TBC1D2B: variants seen among roughly 807,000 people sequenced by gnomAD.
TBC1D2B encodes the protein TBC1 domain family, member 2B.
TBC1D2B carries 64 observed loss-of-function variants against 100.8 expected under a neutral mutation model. That is an observed-to-expected ratio of 0.64 (90% CI 0.52 to 0.78). The LOEUF (loss-of-function observed/expected upper bound fraction) is 0.78, where lower values mean the gene tolerates loss of function less well. TBC1D2B is among the 30% of genes least tolerant of loss of function. TBC1D2B has a pLI of 0.00. For synonymous variants in TBC1D2B, 480 were observed against 479.7 expected, an observed-to-expected ratio of 1.00 and a Z score of -0.01; for missense variants, 1,052 against 1,218.4, an observed-to-expected ratio of 0.86 and a Z score of 2.03.
chr15:78,017,896 G>A lies in TBC1D2B; in HGVS notation c.1532C>T (p.Ser511Leu), dbSNP rs1422272703. Residue 511 changes from serine to leucine, a missense_variant, in exon 7 of 13, where the codon TCA (serine) becomes TTA (leucine). By Grantham distance (145) the Ser-to-Leu change is moderately radical. This residue lies in a region of TBC1D2B where 5 missense variants were observed against 19.1 expected (regional missense o/e 0.26). Transcript: ENST00000300584. ...KFLNKEILEL[S>L]ALRRNAERRE... ...CCTTTCTGCATTTCTTCGTAGAGCT[G>A]AGAGTTCCAAAATCTCCTTATTTAG... 6.2e-7 allele frequency: 1 copy of A among 1,611,864 alleles called. No individual in the cohort carries two copies. Among genetic ancestry groups the A allele is most frequent in the Non-Finnish European group, 8.5e-7 (1 of 1,179,040 alleles).
At chr15:78,015,666 A>G (rs1596310634) in intron 8 of TBC1D2B, among the ~76,000 whole-genome samples, 1 of 152,322 alleles carries the variant, frequency 6.6e-6, no homozygotes, top group Non-Finnish European at 1.5e-5. Flanking sequence ...TGGGCAAGTT[A>G]TATCACTTCC....
At chr15:78,059,873 T>C (rs2073507273) in intron 1 of TBC1D2B, among the ~76,000 whole-genome samples, 1 of 152,166 alleles carries the variant, frequency 6.6e-6, no homozygotes, top group African/African-American at 2.4e-5. Flanking sequence ...GGGCCCACTC[T>C]CAGCAGGAAG....
chr15:78,051,221 C>G (rs148486250), intron 2 of TBC1D2B, among the ~76,000 whole-genome samples: 193 of 152,332 alleles, frequency 1.3e-3, no homozygotes, highest in Non-Finnish European at 2.4e-3. Flanking sequence ...TTAATTACAA[C>G]TAAACATAAT....
intron 6 of TBC1D2B, among the ~76,000 whole-genome samples, chr15:78,020,716 G>T (rs1163115069): frequency 6.6e-6 from 1 of 152,170 alleles, no homozygotes; most frequent in Non-Finnish European, 1.5e-5. Flanking sequence ...CCTGGTGCTT[G>T]CTCCAGTTGT....
At chr15:78,058,563 G>T (rs931613146) in intron 1 of TBC1D2B, among the ~76,000 whole-genome samples, 2 of 152,192 alleles carry the variant, frequency 1.3e-5, no homozygotes, top group Admixed American at 1.3e-4. Flanking sequence ...CACAGACAAC[G>T]CCTTGCTAGG....
intron 1 of TBC1D2B, among the ~76,000 whole-genome samples, chr15:78,070,620 A>G (rs2073729120): frequency 1.3e-5 from 2 of 152,206 alleles, no homozygotes; most frequent in African/African-American, 4.8e-5. Flanking sequence ...CTATTTCTGT[A>G]CAATCTACAA....
In TBC1D2B at chr15:77,997,143, G is replaced by C. The variant is rs1456235868; in HGVS notation, c.*1017C>G. ...GCCGGCCTCCTGCACAACCCAGGCA[G>C]GTGGAGACACCAGGAGCACTGGCCA... On this transcript the variant is annotated 3_prime_UTR_variant, in exon 13 of 13. Coordinates refer to ENST00000300584, the MANE Select transcript of TBC1D2B (RefSeq NM_144572.2). 1 of 152,544 alleles carries C rather than the reference G, an allele frequency of 6.6e-6. No homozygotes were observed. Among genetic ancestry groups the C allele is most frequent in the Non-Finnish European group, 1.5e-5 (1 of 68,272 alleles). The allele number at this position is 152,544 out of a possible 1,614,324, so 9.4% of individuals were successfully genotyped here. A position where few individuals can be genotyped will look rare whatever the true frequency, so the allele number is the denominator to read the frequency against.
At chr15:78,051,274 AATAT>A (rs1380227794) in intron 2 of TBC1D2B, among the ~76,000 whole-genome samples, 1 of 152,244 alleles carries the variant, frequency 6.6e-6, no homozygotes. Flanking sequence ...ATATGTATAC[AATAT>A]ATATGTGTAT....
chr15:78,001,619 C>G lies in TBC1D2B; in HGVS notation c.2696G>C (p.Arg899Thr). The change falls in exon 12 of 13, where the codon AGG becomes ACG. Residue 899 changes from arginine to threonine, a missense_variant and splice_region_variant. By Grantham distance (71) the Arg-to-Thr change is moderately conservative. This residue lies in a region of TBC1D2B where 373 missense variants were observed against 464.9 expected (regional missense o/e 0.80). Coordinates refer to ENST00000300584, the MANE Select transcript of TBC1D2B (RefSeq NM_144572.2). ...CATCTGAGAACTCCCCAGGACTCACCTAGCATCAAGGATAGTGCGAGTGAA... is the reference window on the plus strand; with the variant it reads ...CATCTGAGAACTCCCCAGGACTCACGTAGCATCAAGGATAGTGCGAGTGAA... ...RYFTRTILDARKLISISFGDL... is the reference protein window; with the variant it reads ...RYFTRTILDATKLISISFGDL... 1 of 1,608,574 alleles carries G rather than the reference C, an allele frequency of 6.2e-7. No individual in the cohort carries two copies. Among genetic ancestry groups the G allele is most frequent in the East Asian group, 2.2e-5 (1 of 44,758 alleles).
At chr15:78,077,165 G>C in intron 1 of TBC1D2B, 128 bp downstream of exon 1, 1 of 1,270,334 alleles carries the variant, frequency 7.9e-7, no homozygotes, top group East Asian at 3.1e-5. Flanking sequence ...GAGAAGCAGG[G>C]AAAGGCAGGC....
Position 78,054,166 on chromosome 15 carries a change from T to C in TBC1D2B, c.382A>G (p.Thr128Ala), listed in dbSNP as rs759420305. The change falls in exon 2 of 13, where the codon ACT becomes GCT. Residue 128 changes from threonine to alanine, a missense_variant. Transcript: ENST00000300584. ...VLKAPNRQLM[T>A]YWLQELQQKR... ...TGCTGAAGCTCCTGTAACCAGTAAG[T>C]CATGAGTTGACGATTGGGAGCCTAG... is the stretch of plus-strand genomic sequence containing the variant. 2 of 1,612,808 alleles carry C rather than the reference T, an allele frequency of 1.2e-6. No homozygotes were observed. The highest frequency in any genetic ancestry group is 3.3e-5 in the Admixed American group (2 of 59,726).
chr15:78,053,017 T>A (rs1426770712), intron 2 of TBC1D2B, among the ~76,000 whole-genome samples: 1 of 152,186 alleles, frequency 6.6e-6, no homozygotes, highest in Non-Finnish European at 1.5e-5. Context: ...TATATAGTAA[T>A]TTATCACTGA....
chr15:77,999,524 C>T (rs564820933), intron 12 of TBC1D2B: 134 of 233,204 alleles, frequency 5.7e-4, no homozygotes, highest in African/African-American at 3.0e-3. Context: ...CAGGGGTCCC[C>T]GCGTGTGGAT....
intron 10 of TBC1D2B, among the ~76,000 whole-genome samples, chr15:78,003,985 G>A (rs747893727): frequency 7.2e-5 from 11 of 152,206 alleles, no homozygotes; most frequent in African/African-American, 2.2e-4. Flanking sequence ...GGACTCCGGC[G>A]TCACATGAAC....
At chr15:78,012,495 T>C (rs981418902) in intron 9 of TBC1D2B, among the ~76,000 whole-genome samples, 3 of 152,220 alleles carry the variant, frequency 2.0e-5, no homozygotes, top group Non-Finnish European at 4.4e-5. Context: ...TGACCACCAA[T>C]TTCCACTCCA....
chr15:78,027,954 A>G (rs1236869513), intron 4 of TBC1D2B, among the ~76,000 whole-genome samples: 1 of 151,768 alleles, frequency 6.6e-6, no homozygotes, highest in Non-Finnish European at 1.5e-5. Context: ...CCAGGATCCT[A>G]TGGAGCACAG....
rs1386188059 is a variant in TBC1D2B at position 77,996,077 on chromosome 15, A to G, written c.*2083T>C. 2 of 151,872 alleles carry G rather than the reference A, an allele frequency of 1.3e-5. No individual in the cohort carries two copies. Among genetic ancestry groups the G allele is most frequent in the Non-Finnish European group, 2.9e-5 (2 of 67,998 alleles). 9.4% of individuals were successfully genotyped at this position (151,872 alleles called of 1,614,324 possible). A position where few individuals can be genotyped will look rare whatever the true frequency, so the allele number is the denominator to read the frequency against. ...GGACACGCATCACTTGATTCCAGGCAGGAGAACCTCTGAGAAAGTGTCCCC... is the reference window on the plus strand; with the variant it reads ...GGACACGCATCACTTGATTCCAGGCGGGAGAACCTCTGAGAAAGTGTCCCC... On this transcript the variant is annotated 3_prime_UTR_variant, in exon 13 of 13. Transcript: ENST00000300584.
chr15:78,013,199 A>T lies in TBC1D2B; in HGVS notation c.1894T>A (p.Ser632Thr). Residue 632 changes from serine to threonine, a missense_variant, in exon 9 of 13, where the codon TCC (serine) becomes ACC (threonine). Around this residue, in one of 4 missense-constraint regions of TBC1D2B, gnomAD observed 373 missense variants for 464.9 expected, o/e 0.80. Transcript: ENST00000300584. The stretch of plus-strand genomic sequence containing the variant: ...TAGTTTTCCCACTTGACCCCAGTGG[A>T]GACTTCCTGGTTTTCTGTGAGGTAG... ...TLYLTENQEV[S>T]TGVKWENYFA... 1 of 1,613,998 alleles carries T rather than the reference A, an allele frequency of 6.2e-7. No individual in the cohort carries two copies. The highest frequency in any genetic ancestry group is 8.5e-7 in the Non-Finnish European group (1 of 1,179,896).
chr15:78,001,517 GGATGGCTCT>G lies in TBC1D2B; in HGVS notation c.2696+93_2696+101del, dbSNP rs2071912425. On this transcript the variant is annotated intron_variant, in intron 12 of 12. Transcript: ENST00000300584. ...TGCCCTCTCCAACACTGTACACCGG[GGATGGCTCT>G]GAGTTGGAAGACAGCAAGGACAGGC... 3 of 1,381,308 alleles carry G rather than the reference GGATGGCTCT, an allele frequency of 2.2e-6. No individual in the cohort carries two copies. The South Asian group carries it at 4.5e-5, about 21-fold the overall frequency. 85.6% of individuals were successfully genotyped at this position (1,381,308 alleles called of 1,614,324 possible).
Sources: allele counts gnomAD v4.1 joint callset (sites outside exome capture counted in the v4.1 genomes callset), GRCh38; gene constraint gnomAD v4.1.1; regional missense constraint gnomAD v4.1.1; transcripts MANE v1.5; gene names NCBI Gene and HGNC (gene_info 2026-07-23, HGNC 2026-07-21).